GPD2: variants seen among roughly 807,000 people sequenced by gnomAD.
GPD2 encodes glycerol-3-phosphate dehydrogenase, mitochondrial.
GPD2 carries 54 observed loss-of-function variants against 82.4 expected under a neutral mutation model. The observed-to-expected ratio is 0.66, with a 90% CI of 0.53 to 0.82. GPD2 has a LOEUF of 0.82. Ranked by LOEUF, GPD2 falls within the 40% of genes least tolerant of loss-of-function variation. The pLI is 0.00. For synonymous variants in GPD2, 288 were observed against 306.1 expected (o/e 0.94, Z 0.62); for missense variants, 748 against 896.2 (o/e 0.83, Z 2.11).
chr2:156,528,512 T>TGCTACATATGTACATGCTACA, intron 6 of GPD2, among the ~76,000 whole-genome samples: 1 of 151,778 alleles, frequency 6.6e-6, no homozygotes, highest in South Asian at 2.1e-4. Flanking sequence ...TATGTATACA[T>TGCTACATATGTACATGCTACA]GTGCCATGCT....
In GPD2 at chr2:156,582,899, G is replaced by A. The variant is rs1363695386; in HGVS notation, c.2165G>A (p.Arg722His). The A allele has an allele frequency of 2.5e-6, 4 of 1,612,372 alleles. No homozygotes were observed. The highest frequency in any genetic ancestry group is 1.7e-5 in the Admixed American group (1 of 59,904). Residue 722 changes from arginine to histidine, a missense_variant, in exon 17 of 17, where the codon CGT (arginine) becomes CAT (histidine). Physicochemically the swap from Arg to His is conservative, Grantham distance 29. Transcript: ENST00000438166. ...LDRRVPIPVDRSCGGL is the reference protein window; with the variant it reads ...LDRRVPIPVDHSCGGL ...AGAAGAGTTCCAATTCCAGTGGACC[G>A]TAGTTGTGGAGGATTGTGAGTCTGG...
chr2:156,572,130 C>T (rs1429927384), intron 13 of GPD2, among the ~76,000 whole-genome samples: 1 of 152,116 alleles, frequency 6.6e-6, no homozygotes, highest in Non-Finnish European at 1.5e-5. Context: ...TTCTGGAACA[C>T]CACCTCTCTT....
chr2:156,410,514 C>T, the GPD2 span, among the ~76,000 whole-genome samples: 5 of 152,200 alleles, frequency 3.3e-5, no homozygotes, highest in African/African-American at 1.2e-4. Flanking sequence ...TGTGAATTTT[C>T]TAATTTGCTC....
rs1686998965 is a variant in GPD2 at position 156,557,318 on chromosome 2, G to C, written c.972-71G>C. On this transcript the variant is annotated intron_variant, in intron 8 of 16. Transcript: ENST00000438166. Reference sequence around the variant, plus strand: ...ATATTTGAGAATTAATGAATAAATAGTTTTTCGAATGCAGATTAATGTTAA... The same window carrying C: ...ATATTTGAGAATTAATGAATAAATACTTTTTCGAATGCAGATTAATGTTAA... 4.3e-6 allele frequency: 4 copies of C among 929,678 alleles called. No individual in the cohort carries two copies. In the Admixed American group the frequency reaches 7.7e-5, roughly 18 times the overall value. The allele number at this position is 929,678 out of a possible 1,614,324, so 57.6% of individuals were successfully genotyped here.
intron 1 of GPD2, among the ~76,000 whole-genome samples, chr2:156,462,203 A>G (rs1418513297): frequency 6.6e-6 from 1 of 152,160 alleles, no homozygotes; most frequent in African/African-American, 2.4e-5. Flanking sequence ...ATCTATTCAG[A>G]TGAGGTAGAA....
At chr2:156,422,589 G>A in the GPD2 span, among the ~76,000 whole-genome samples, 2 of 152,112 alleles carry the variant, frequency 1.3e-5, no homozygotes, top group South Asian at 4.2e-4. Context: ...AATTAGCGGG[G>A]CATGGTGGCA....
chr2:156,576,263 C>T (rs1014982308), intron 13 of GPD2, among the ~76,000 whole-genome samples: 9 of 152,168 alleles, frequency 5.9e-5, no homozygotes, highest in African/African-American at 1.7e-4. Flanking sequence ...TTACTCCCTT[C>T]TAGGTACTTG....
At chr2:156,463,679 T>TTCC (rs1215095987) in intron 1 of GPD2, among the ~76,000 whole-genome samples, 2 of 152,212 alleles carry the variant, frequency 1.3e-5, no homozygotes, top group African/African-American at 2.4e-5. Context: ...GTGTCTTTCC[T>TTCC]TCCAGAATAC....
chr2:156,428,680 T>G, the GPD2 span, among the ~76,000 whole-genome samples: 1 of 152,248 alleles, frequency 6.6e-6, no homozygotes, highest in Non-Finnish European at 1.5e-5. Flanking sequence ...CCCATTAAAT[T>G]GTAAAATTTC....
At chr2:156,427,005 G>A in the GPD2 span, among the ~76,000 whole-genome samples, 1 of 152,206 alleles carries the variant, frequency 6.6e-6, no homozygotes, top group Non-Finnish European at 1.5e-5. Flanking sequence ...TGGGCAGAGG[G>A]AGAAATTGGA....
chr2:156,418,754 G>A, the GPD2 span, among the ~76,000 whole-genome samples: 3 of 152,188 alleles, frequency 2.0e-5, no homozygotes, highest in African/African-American at 7.2e-5. Context: ...CGTTATGGGA[G>A]GGGGAAGAAG....
At chr2:156,412,370 C>T in the GPD2 span, among the ~76,000 whole-genome samples, 23 of 149,756 alleles carry the variant, frequency 1.5e-4, no homozygotes, top group African/African-American at 4.4e-4. Context: ...ACCCGGGAGG[C>T]GGAGGTTGCA....
intron 6 of GPD2, 143 bp downstream of exon 6, chr2:156,513,639 A>G: frequency 1.4e-6 from 1 of 696,744 alleles, no homozygotes; most frequent in Admixed American, 2.4e-5. Context: ...GCACATATTC[A>G]CCATTTTCTC....
chr2:156,567,436 A>T (rs1483088158), intron 9 of GPD2, among the ~76,000 whole-genome samples: 1 of 152,066 alleles, frequency 6.6e-6, no homozygotes, highest in African/African-American at 2.4e-5. Context: ...TTTTCCCATT[A>T]TCTTGAAGTT....
At chr2:156,433,580 G>C (rs1027347302), upstream of GPD2, among the ~76,000 whole-genome samples, 4 of 152,088 alleles carry the variant, frequency 2.6e-5, no homozygotes, top group Admixed American at 2.6e-4. Flanking sequence ...TCTGATTTGA[G>C]TAATAATAAA....
chr2:156,431,134 G>A (rs999581634), upstream of GPD2, among the ~76,000 whole-genome samples: 1 of 152,142 alleles, frequency 6.6e-6, no homozygotes, highest in Non-Finnish European at 1.5e-5. Context: ...AGTTTTCTTA[G>A]GCACAGGAGA....
chr2:156,402,363 T>C, the GPD2 span, among the ~76,000 whole-genome samples: 3 of 152,068 alleles, frequency 2.0e-5, no homozygotes, highest in African/African-American at 7.2e-5. Flanking sequence ...AAGAGCAAAA[T>C]CTGAAGACAA....
chr2:156,433,203 G>C (rs114638027), upstream of GPD2, among the ~76,000 whole-genome samples: 1,248 of 152,292 alleles, frequency 8.2e-3, 5 homozygotes, highest in Non-Finnish European at 0.012. Context: ...TAACAAAGGT[G>C]GTAACAGCCC....
intron 16 of GPD2, among the ~76,000 whole-genome samples, chr2:156,581,846 C>T (rs953796980): frequency 5.3e-5 from 8 of 151,936 alleles, no homozygotes; most frequent in African/African-American, 1.9e-4. Context: ...GACTCTTATT[C>T]AGAGCTCTTT....
Sources: gnomAD v4.1 joint callset for allele counts (sites outside exome capture counted in the v4.1 genomes callset) on GRCh38, gnomAD v4.1.1 for gene constraint, MANE v1.5 for transcripts, NCBI Gene and HGNC (gene_info 2026-07-23, HGNC 2026-07-21) for gene names.